The following CNIH3 variants were observed in gnomAD, a reference collection of about 807,000 sequenced individuals.
CNIH3 encodes cornichon family AMPA receptor auxiliary protein 3, also known as protein cornichon homolog 3.
In CNIH3, 14 loss-of-function variants were observed where a neutral mutation model predicts 24.1. That is an observed-to-expected ratio of 0.58 (90% CI 0.38 to 0.91). The LOEUF (loss-of-function observed/expected upper bound fraction) is 0.91, where lower values mean the gene tolerates loss of function less well. Among genes scored for constraint, CNIH3 ranks in the 40% least tolerant of loss-of-function variants. The pLI, the probability that CNIH3 is intolerant of heterozygous loss-of-function variation, is 0.00. For missense variants in CNIH3, 178 were observed against 196.8 expected, an observed-to-expected ratio of 0.90 and a Z score of 0.57; for synonymous variants, 68 against 73.8, an observed-to-expected ratio of 0.92 and a Z score of 0.40.
intron 1 of CNIH3, among the ~76,000 whole-genome samples, chr1:224,483,706 G>T (rs535384417): frequency 6.6e-6 from 1 of 151,976 alleles, no homozygotes; most frequent in Non-Finnish European, 1.5e-5. Flanking sequence ...CTGATTTTTG[G>T]TTCTTATGAA....
intron 4 of CNIH3, among the ~76,000 whole-genome samples, chr1:224,577,816 T>C (rs1370642852): frequency 3.3e-5 from 5 of 152,184 alleles, no homozygotes; most frequent in Admixed American, 2.0e-4. Flanking sequence ...GGAACCAGCC[T>C]AAATGCCCAT....
At chr1:224,594,697 G>C (rs1027271700) in intron 3 of CNIH3, among the ~76,000 whole-genome samples, 1 of 152,136 alleles carries the variant, frequency 6.6e-6, no homozygotes, top group Admixed American at 6.5e-5. Context: ...TAAATGGCAG[G>C]CTTTGGGCTC....
At chr1:224,450,954 T>C (rs997266160) in intron 1 of CNIH3, among the ~76,000 whole-genome samples, 3 of 152,382 alleles carry the variant, frequency 2.0e-5, no homozygotes, top group African/African-American at 7.2e-5. Flanking sequence ...AATATGCTTT[T>C]AACCTTTACA....
At chr1:224,499,901 CAAAAA>C (rs58546932) in intron 1 of CNIH3, among the ~76,000 whole-genome samples, 4 of 120,850 alleles carry the variant, frequency 3.3e-5, no homozygotes, top group African/African-American at 1.2e-4. Context: ...CTATCTCTAC[CAAAAA>C]AAAAAAAAGA....
intron 3 of CNIH3, among the ~76,000 whole-genome samples, chr1:224,692,973 A>G (rs1687003075): frequency 6.6e-6 from 1 of 152,188 alleles, no homozygotes. Flanking sequence ...GTCCGAGTGG[A>G]TTCTTTTAAG....
At chr1:224,553,192 C>A (rs2124969921) in intron 3 of CNIH3, among the ~76,000 whole-genome samples, 1 of 149,064 alleles carries the variant, frequency 6.7e-6, no homozygotes, top group Middle Eastern at 3.7e-3. Flanking sequence ...TGAATAATAT[C>A]ACAGGGGGTA....
chr1:224,708,253 C>G (rs1326628962), intron 3 of CNIH3, among the ~76,000 whole-genome samples: 2 of 152,116 alleles, frequency 1.3e-5, no homozygotes, highest in African/African-American at 4.8e-5. Context: ...TCTCAGGGCC[C>G]CATTTTAATG....
intron 2 of CNIH3, among the ~76,000 whole-genome samples, chr1:224,522,422 A>G (rs577606054): frequency 6.6e-6 from 1 of 152,346 alleles, no homozygotes; most frequent in African/African-American, 2.4e-5. Flanking sequence ...CCTCCAGGAC[A>G]GATGACAACC....
At chr1:224,709,932 T>A (rs1412427917) in intron 3 of CNIH3, among the ~76,000 whole-genome samples, 1 of 152,186 alleles carries the variant, frequency 6.6e-6, no homozygotes, top group Non-Finnish European at 1.5e-5. Context: ...TCCATACATA[T>A]CTATGATAAA....
chr1:224,465,639 C>G (rs190481628), intron 1 of CNIH3, among the ~76,000 whole-genome samples: 1 of 152,116 alleles, frequency 6.6e-6, no homozygotes, highest in Admixed American at 6.5e-5. Context: ...TAATTATAAA[C>G]GGGATATTGC....
chr1:224,698,477 C>G (rs1687295850), intron 3 of CNIH3, among the ~76,000 whole-genome samples: 1 of 152,076 alleles, frequency 6.6e-6, no homozygotes, highest in Non-Finnish European at 1.5e-5. Context: ...TGGTGGGAAC[C>G]AAATAAAGGA....
At chr1:224,471,584 T>A (rs1210162743) in intron 1 of CNIH3, among the ~76,000 whole-genome samples, 1 of 151,334 alleles carries the variant, frequency 6.6e-6, no homozygotes, top group Non-Finnish European at 1.5e-5. Flanking sequence ...TGACAGAATC[T>A]CATTCTCTCT....
intron 1 of CNIH3, among the ~76,000 whole-genome samples, chr1:224,453,917 G>A (rs774164254): frequency 6.6e-5 from 10 of 152,100 alleles, no homozygotes; most frequent in Non-Finnish European, 1.3e-4. Context: ...ATTAAAACCC[G>A]AGATCAGTTT....
At chr1:224,477,511 CA>C (rs2103006689) in intron 1 of CNIH3, among the ~76,000 whole-genome samples, 1 of 152,160 alleles carries the variant, frequency 6.6e-6, no homozygotes, top group South Asian at 2.1e-4. Flanking sequence ...AACAAACAAG[CA>C]AAAAACAAAT....
At chr1:224,563,988 T>A (rs1205465826) in intron 3 of CNIH3, among the ~76,000 whole-genome samples, 1 of 152,250 alleles carries the variant, frequency 6.6e-6, no homozygotes, top group Admixed American at 6.5e-5. Context: ...AGGGTGAATA[T>A]ACATTTTTCT....
chr1:224,567,453 T>C (rs948141835), intron 4 of CNIH3, among the ~76,000 whole-genome samples: 1 of 152,236 alleles, frequency 6.6e-6, no homozygotes. Flanking sequence ...CATGCCTGTG[T>C]CCTGAGATTT....
intron 5 of CNIH3, among the ~76,000 whole-genome samples, chr1:224,583,530 T>C (rs1331017211): frequency 3.3e-5 from 5 of 152,138 alleles, no homozygotes; most frequent in East Asian, 1.9e-4. Flanking sequence ...ATCAAATAGA[T>C]AGTTTAGGGA....
chr1:224,434,703 G>A, exon 1 of CNIH3: 1 of 953,978 alleles, frequency 1.0e-6, no homozygotes, highest in African/African-American at 1.8e-5. Flanking sequence ...CGGCGGCGGC[G>A]GCGGGCGGCA....
chr1:224,575,459 C>G, intron 4 of CNIH3: 1 of 711,550 alleles, frequency 1.4e-6, no homozygotes, highest in South Asian at 1.7e-5. Flanking sequence ...TTTTTCCTTG[C>G]AAAGGTAGTA....
Sources: gnomAD v4.1 joint callset for allele counts (sites outside exome capture counted in the v4.1 genomes callset) on GRCh38, gnomAD v4.1.1 for gene constraint, MANE v1.5 for transcripts, NCBI Gene and HGNC (gene_info 2026-07-23, HGNC 2026-07-21) for gene names.